Variants in CYP7B1 observed in about 807,000 individuals in gnomAD.
CYP7B1 encodes the protein cytochrome P450 7B1.
Under a neutral mutation model 42.7 loss-of-function variants are expected in CYP7B1, and 29 were observed. The observed-to-expected ratio is 0.68, with a 90% CI of 0.51 to 0.93. The LOEUF is 0.93. CYP7B1 is among the 40% of genes least tolerant of loss of function. The probability of loss-of-function intolerance (pLI) is 0.00; values close to 1 mark genes in which losing one functional copy is unlikely to be tolerated. For synonymous variants in CYP7B1, 235 were observed against 218.2 expected (o/e 1.08, Z -0.68); for missense variants, 655 against 600.5 (o/e 1.09, Z -0.95).
chr8:64,727,798 C>T (rs550845702), intron 1 of CYP7B1, among the ~76,000 whole-genome samples: 1 of 152,140 alleles, frequency 6.6e-6, no homozygotes, highest in Non-Finnish European at 1.5e-5. Context: ...TAACACAGAA[C>T]TCCAATGGTA....
intron 3 of CYP7B1, among the ~76,000 whole-genome samples, 170 bp downstream of exon 3, chr8:64,615,519 CAA>C (rs8192897): frequency 1.7e-4 from 19 of 114,830 alleles, no homozygotes; most frequent in Non-Finnish European, 1.5e-4. Context: ...ACCACCTCAG[CAA>C]AAAAAAAAAA....
intron 1 of CYP7B1, among the ~76,000 whole-genome samples, chr8:64,735,244 C>G (rs117105706): frequency 0.013 from 1,927 of 152,194 alleles, 18 homozygotes; most frequent in Non-Finnish European, 0.021. Flanking sequence ...ATATGCACTG[C>G]AAAATATGTC....
At chr8:64,686,793 C>T (rs1411694097) in intron 1 of CYP7B1, among the ~76,000 whole-genome samples, 1 of 70,538 alleles carries the variant, frequency 1.4e-5, no homozygotes, top group Non-Finnish European at 2.9e-5. Flanking sequence ...AAGAAAAATT[C>T]CTCTGCCTTG....
At chr8:64,649,086 G>T (rs982826900) in intron 1 of CYP7B1, among the ~76,000 whole-genome samples, 1 of 152,098 alleles carries the variant, frequency 6.6e-6, no homozygotes, top group African/African-American at 2.4e-5. Flanking sequence ...CTCTAGAACG[G>T]TTTTCATCTT....
At chr8:64,743,481 A>T (rs1181911265) in intron 1 of CYP7B1, among the ~76,000 whole-genome samples, 1 of 152,188 alleles carries the variant, frequency 6.6e-6, no homozygotes, top group Non-Finnish European at 1.5e-5. Context: ...GCAGTTCTGG[A>T]AGCTAAAAGT....
chr8:64,694,555 T>G (rs1394164174), intron 1 of CYP7B1, among the ~76,000 whole-genome samples: 1 of 152,224 alleles, frequency 6.6e-6, no homozygotes, highest in Non-Finnish European at 1.5e-5. Context: ...CCTGTGCTGG[T>G]CCACAGTGAG....
chr8:64,738,491 C>T lies in CYP7B1; in HGVS notation c.122+59975G>A, dbSNP rs367830493. Among the ~76,000 whole-genome samples, 29 of 152,138 alleles carry T rather than the reference C, an allele frequency of 1.9e-4. No homozygotes were observed. The East Asian group carries it at 1.9e-3, about 10-fold the overall frequency. ...TGTTTGATCACTGATTTAAAAGAAA[C>T]TGTTTTCTCCCTAATTTTATCAGGA... On this transcript the variant is annotated intron_variant, in intron 1 of 5. Coordinates refer to ENST00000310193, the MANE Select transcript of CYP7B1 (RefSeq NM_004820.5).
intron 1 of CYP7B1, among the ~76,000 whole-genome samples, chr8:64,736,697 C>G (rs1807493574): frequency 6.6e-6 from 1 of 152,102 alleles, no homozygotes; most frequent in Non-Finnish European, 1.5e-5. Context: ...GATCCTCCCG[C>G]CTCAGCCTCC....
At chr8:64,643,398 G>A (rs774145333) in intron 1 of CYP7B1, among the ~76,000 whole-genome samples, 1 of 152,050 alleles carries the variant, frequency 6.6e-6, no homozygotes, top group Non-Finnish European at 1.5e-5. Flanking sequence ...GTATAAAAAT[G>A]TACATATCTT....
At chr8:64,648,881 C>A (rs532241515) in intron 1 of CYP7B1, among the ~76,000 whole-genome samples, 2 of 152,206 alleles carry the variant, frequency 1.3e-5, no homozygotes, top group East Asian at 3.9e-4. Flanking sequence ...CCAAAGTGAC[C>A]TGAGGTCTAA....
chr8:64,618,318 G>C (rs1805476231), intron 2 of CYP7B1, among the ~76,000 whole-genome samples: 2 of 151,528 alleles, frequency 1.3e-5, no homozygotes, highest in Middle Eastern at 6.8e-3. Flanking sequence ...AATATCTTTG[G>C]GGTTATTTTA....
rs539410319 is a variant in CYP7B1, at chr8:64,646,222, T to C, written c.123-21683A>G. Among the ~76,000 whole-genome samples, 48 of 151,832 alleles carry C rather than the reference T, an allele frequency of 3.2e-4. No homozygotes were observed. In the South Asian group the frequency reaches 0.01, roughly 32 times the overall value. ...ATGGGATCTAATTAAACTAAAGAGC[T>C]TCTGCACAGCAAAAGAAACTACCAT... On this transcript the variant is annotated intron_variant, in intron 1 of 5. Coordinates refer to ENST00000310193, the MANE Select transcript of CYP7B1 (RefSeq NM_004820.5).
At chr8:64,731,793 G>A (rs566625851) in intron 1 of CYP7B1, among the ~76,000 whole-genome samples, 6 of 152,168 alleles carry the variant, frequency 3.9e-5, no homozygotes, top group African/African-American at 7.2e-5. Flanking sequence ...CATGGTGTCC[G>A]GTGTCCCAGA....
chr8:64,718,740 A>G (rs1807193933), intron 1 of CYP7B1, among the ~76,000 whole-genome samples: 1 of 152,212 alleles, frequency 6.6e-6, no homozygotes, highest in Admixed American at 6.5e-5. Context: ...GTCCCCGTAG[A>G]ATGGCAGGTG....
chr8:64,596,794 TA>T lies in CYP7B1; in HGVS notation c.1368del (p.Met457TrpfsTer3). On this transcript the variant is annotated frameshift_variant, in exon 6 of 6. Coordinates refer to ENST00000310193, the MANE Select transcript of CYP7B1 (RefSeq NM_004820.5). LOFTEE classifies it low-confidence loss of function (END_TRUNC). Reference protein sequence around the residue: ...TSKCPGRFFALMEIKQLLVIL... With the variant: ...TSKCPGRFFAXMEIKQLLVIL... ...ATAACCAACAATTGTTTTATTTCCATAAGTGCAAAAAATCGGCCTGGACATT... is the reference window on the plus strand; with the variant it reads ...ATAACCAACAATTGTTTTATTTCCATAGTGCAAAAAATCGGCCTGGACATT... The T allele has an allele frequency of 6.2e-7, 1 of 1,614,120 alleles. No homozygotes were observed. Among genetic ancestry groups the T allele is most frequent in the Non-Finnish European group, 8.5e-7 (1 of 1,180,008 alleles).
At chr8:64,691,868 AGAC>A (rs902228139) in intron 1 of CYP7B1, among the ~76,000 whole-genome samples, 1 of 152,202 alleles carries the variant, frequency 6.6e-6, no homozygotes, top group African/African-American at 2.4e-5. Flanking sequence ...TCCCCAGTAC[AGAC>A]GATGCTTATC....
intron 1 of CYP7B1, among the ~76,000 whole-genome samples, chr8:64,693,338 C>CACATATG (rs1287762897): frequency 2.0e-5 from 3 of 152,148 alleles, no homozygotes; most frequent in African/African-American, 7.2e-5. Context: ...TATATGTGTG[C>CACATATG]ACATATGTGC....
chr8:64,607,907 A>T (rs1805306043), intron 4 of CYP7B1, among the ~76,000 whole-genome samples: 1 of 152,222 alleles, frequency 6.6e-6, no homozygotes, highest in Non-Finnish European at 1.5e-5. Context: ...ATTTTGAGAT[A>T]AAATTTACAC....
chr8:64,616,342 A>C (rs1761359804), intron 2 of CYP7B1, 61 bp from the exon 3 acceptor site: 1 of 1,045,230 alleles, frequency 9.6e-7, no homozygotes, highest in Non-Finnish European at 1.4e-6. Context: ...AGAAATAAAC[A>C]CCACAAATTA....
Sources: gnomAD v4.1 joint callset for allele counts (sites outside exome capture counted in the v4.1 genomes callset) on GRCh38, gnomAD v4.1.1 for gene constraint, MANE v1.5 for transcripts, NCBI Gene and HGNC (gene_info 2026-07-23, HGNC 2026-07-21) for gene names.